The following ZNF8 variants were observed in gnomAD, a reference collection of about 807,000 sequenced individuals.
ZNF8 encodes the protein zinc finger protein 8.
A neutral mutation model predicts 12.2 loss-of-function variants in ZNF8; 9 were observed. That is an observed-to-expected ratio of 0.73 (90% confidence interval 0.44 to 1.28). ZNF8 has a LOEUF of 1.28. Among genes scored for constraint, ZNF8 ranks in the 50% most tolerant of loss-of-function variants. The probability of loss-of-function intolerance (pLI) is 0.00; values close to 1 mark genes in which losing one functional copy is unlikely to be tolerated. For synonymous variants in ZNF8, 274 were observed against 282.3 expected, an observed-to-expected ratio of 0.97 and a Z score of 0.30; for missense variants, 664 against 729.1, an observed-to-expected ratio of 0.91 and a Z score of 1.03.
rs1359257207 is a variant in ZNF8 at position 58,295,418 on chromosome 19, C to T, written c.1610C>T (p.Ala537Val). Residue 537 changes from alanine (A) to valine (V), a missense_variant, in exon 4 of 4, where the codon GCC (alanine) becomes GTC (valine). Around this residue, in one of 3 missense-constraint regions of ZNF8, gnomAD observed 225 missense variants for 222.0 expected, o/e 1.01. Coordinates refer to ENST00000621650, the MANE Select transcript of ZNF8 (RefSeq NM_021089.3). ...AAGGCAGGGCAGCCGGAAAGCAGAG[C>T]CCTGGCTTTGTTTGACATCCAAAAA... ...GAKAGQPESR[A>V]LALFDIQKIM... 2.5e-6 allele frequency: 4 copies of T among 1,613,984 alleles called. No individual in the cohort carries two copies. The highest frequency in any genetic ancestry group is 3.4e-6 in the Non-Finnish European group (4 of 1,180,030).
Position 58,295,041 on chromosome 19 carries a change from C to T in ZNF8, c.1233C>T (p.Ser411=). The T allele has an allele frequency of 6.2e-7, 1 of 1,614,102 alleles. No homozygotes were observed. Among genetic ancestry groups the T allele is most frequent in the Non-Finnish European group, 8.5e-7 (1 of 1,179,982 alleles). ...GGAAGGGCTTCAGGCACAGCTCATC[C>T]CTGGCCCAGCACCAGCGGAAGCACG... is the stretch of plus-strand genomic sequence containing the variant. ...HCGKGFRHSS[S]LAQHQRKHAG... Residue 411 remains serine, a synonymous_variant, in exon 4 of 4, where the codon TCC becomes TCT. Coordinates refer to ENST00000621650, the MANE Select transcript of ZNF8 (RefSeq NM_021089.3).
Position 58,285,908 on chromosome 19 carries a change from G to A in ZNF8, c.193+65G>A, listed in dbSNP as rs923066742. ...TGGGTTATAAGTCATGGGGCCTCTG[G>A]TGTGAGGACCTGACCTTGGGTCCTC... On this transcript the variant is annotated intron_variant, in intron 2 of 3. Coordinates refer to ENST00000621650, the MANE Select transcript of ZNF8 (RefSeq NM_021089.3). 8 of 1,550,912 alleles carry A rather than the reference G, an allele frequency of 5.2e-6. No homozygotes were observed. In the Admixed American group the frequency reaches 7.6e-5, roughly 15 times the overall value.
At position 58,294,523 on chromosome 19, in the gene ZNF8, A is replaced by G. The variant is rs137913104; in HGVS notation, c.715A>G (p.Ser239Gly). The G allele has an allele frequency of 8.7e-6, 14 of 1,614,122 alleles. No individual in the cohort carries two copies. Among genetic ancestry groups the G allele is most frequent in the Non-Finnish European group, 1.1e-5 (13 of 1,180,048 alleles). ...GENSDCHRDS[S>G]QAIPITELTK... Reference sequence around the variant, plus strand: ...AAACAGTGACTGTCACAGAGATTCCAGTCAGGCCATTCCAATTACGGAACT... The same window carrying G: ...AAACAGTGACTGTCACAGAGATTCCGGTCAGGCCATTCCAATTACGGAACT... Residue 239 changes from serine to glycine, a missense_variant, in exon 4 of 4, where the codon AGT (serine) becomes GGT (glycine). This residue lies in a region of ZNF8 where 306 missense variants were observed against 308.7 expected (regional missense o/e 0.99). Coordinates refer to ENST00000621650, the MANE Select transcript of ZNF8 (RefSeq NM_021089.3). This position sits in a 1 kb window ranked among gnomAD's most constrained non-coding sequence, Gnocchi z 5.5.
At chr19:58,281,694 A>T (rs546479530) in intron 1 of ZNF8, among the ~76,000 whole-genome samples, 1 of 152,338 alleles carries the variant, frequency 6.6e-6, no homozygotes, top group Admixed American at 6.5e-5. Context: ...CAGAGACCTC[A>T]GTTCCCAACC....
chr19:58,291,252 A>G (rs1408620621), intron 3 of ZNF8, among the ~76,000 whole-genome samples: 1 of 151,442 alleles, frequency 6.6e-6, no homozygotes, highest in East Asian at 1.9e-4. Flanking sequence ...CTCTTCTCCC[A>G]TTTCCTCTCT....
At chr19:58,286,081 T>G (rs1390843272) in intron 2 of ZNF8, 29 bp from the exon 3 acceptor site, 1 of 1,607,630 alleles carries the variant, frequency 6.2e-7, no homozygotes, top group South Asian at 1.1e-5. Context: ...GAGCAGCCCC[T>G]CACCTCCTGT....
chr19:58,279,584 C>A, intron 1 of ZNF8: 6 of 1,532,620 alleles, frequency 3.9e-6, no homozygotes, highest in Non-Finnish European at 5.2e-6. Flanking sequence ...TCAGCGGACA[C>A]CCACCGGGAC....
chr19:58,290,066 G>A (rs2051408088), intron 3 of ZNF8, among the ~76,000 whole-genome samples: 1 of 147,416 alleles, frequency 6.8e-6, no homozygotes, highest in East Asian at 2.0e-4. Flanking sequence ...AAAGTGCTGG[G>A]ATTAAAGGCG....
intron 3 of ZNF8, chr19:58,286,581 G>A (rs914395952): frequency 5.0e-5 from 9 of 179,342 alleles, no homozygotes; most frequent in South Asian, 2.5e-4. Context: ...GACACTCTCT[G>A]CCTAGCACAG....
intron 3 of ZNF8, among the ~76,000 whole-genome samples, chr19:58,292,115 C>T (rs1340175439): frequency 1.3e-5 from 2 of 152,032 alleles, no homozygotes; most frequent in African/African-American, 4.8e-5. Flanking sequence ...ATTGACATAC[C>T]ATAAGTTCAC....
chr19:58,287,865 C>T (rs1432977215), intron 3 of ZNF8, among the ~76,000 whole-genome samples: 9 of 115,626 alleles, frequency 7.8e-5, no homozygotes, highest in Non-Finnish European at 1.0e-4. Context: ...TTCTTTCTTC[C>T]TTTTTTTTTT....
chr19:58,291,041 A>T (rs962725697), intron 3 of ZNF8, among the ~76,000 whole-genome samples: 1 of 152,164 alleles, frequency 6.6e-6, no homozygotes, highest in African/African-American at 2.4e-5. Context: ...ATATAAAATA[A>T]AATAATGGTG....
At chr19:58,292,509 T>C (rs545442929) in intron 3 of ZNF8, among the ~76,000 whole-genome samples, 1 of 152,268 alleles carries the variant, frequency 6.6e-6, no homozygotes, top group South Asian at 2.1e-4. Flanking sequence ...CATCTCCAAA[T>C]ACCCTCACAA....
chr19:58,295,774 TA>T lies in ZNF8; in HGVS notation c.*240del, dbSNP rs2051450988. ...CATTACACCACAGTGAGTTCACAGGTAATATAACCTACCCACCTGTGTAATG... is the reference window on the plus strand; with the variant it reads ...CATTACACCACAGTGAGTTCACAGGTATATAACCTACCCACCTGTGTAATG... On this transcript the variant is annotated 3_prime_UTR_variant, in exon 4 of 4. Transcript: ENST00000621650. The T allele has an allele frequency of 2.0e-6, 1 of 494,922 alleles. No individual in the cohort carries two copies. The highest frequency in any genetic ancestry group is 3.6e-6 in the Non-Finnish European group (1 of 281,492). 30.7% of individuals were successfully genotyped at this position (494,922 alleles called of 1,614,324 possible).
rs35762006 is a variant in ZNF8, at chr19:58,287,865, C to CTTT, written c.289+1674_289+1676dup. On this transcript the variant is annotated intron_variant, in intron 3 of 3. Coordinates refer to ENST00000621650, the MANE Select transcript of ZNF8 (RefSeq NM_021089.3). ...TTTCTTTTTTTTTCTTTCTTTCTTC[C>CTTT]TTTTTTTTTTTTTTTTAGAGATGGG... 7.2e-3 allele frequency among the ~76,000 whole-genome samples: 833 copies of CTTT among 115,656 alleles called. 29 individuals are homozygous for CTTT. Among genetic ancestry groups the CTTT allele is most frequent in the Admixed American group, 7.3e-3 (70 of 9,528 alleles). 75.9% of individuals were successfully genotyped at this position (115,656 alleles called of 152,430 possible).
intron 3 of ZNF8, among the ~76,000 whole-genome samples, chr19:58,290,277 ATTTT>A (rs1005450980): frequency 7.3e-6 from 1 of 136,620 alleles, no homozygotes; most frequent in South Asian, 2.4e-4. Context: ...CACCCGGCTA[ATTTT>A]TTTTTTGTAT....
At chr19:58,282,789 G>A (rs112571622) in intron 1 of ZNF8, among the ~76,000 whole-genome samples, 2,816 of 150,948 alleles carry the variant, frequency 0.019, 85 homozygotes, top group African/African-American at 0.063. Flanking sequence ...TGCCACGCCC[G>A]GCTAATTTTT....
In ZNF8 at chr19:58,302,459, A is replaced by G. The variant is rs923813796; in HGVS notation, c.*6923A>G. 2 of 152,234 alleles carry G rather than the reference A, an allele frequency of 1.3e-5. No individual in the cohort carries two copies. Among genetic ancestry groups the G allele is most frequent in the Admixed American group, 1.3e-4 (2 of 15,290 alleles). 9.4% of individuals were successfully genotyped at this position (152,234 alleles called of 1,614,324 possible). On this transcript the variant is annotated 3_prime_UTR_variant, in exon 4 of 4. Coordinates refer to ENST00000621650, the MANE Select transcript of ZNF8 (RefSeq NM_021089.3). The stretch of plus-strand genomic sequence containing the variant: ...ATTTTACATACACACAGAGGAATAT[A>G]TATGTGTATAGTTATCTTGTGTTTA...
rs188498250 is a variant in ZNF8 at position 58,301,714 on chromosome 19, G to C, written c.*6178G>C. On this transcript the variant is annotated 3_prime_UTR_variant, in exon 4 of 4. Coordinates refer to ENST00000621650, the MANE Select transcript of ZNF8 (RefSeq NM_021089.3). ...GGCTGAGGTTATAGCAGCCCCACAG[G>C]GTGGTAAGCTGGGATGAAGCAATCA... is the stretch of plus-strand genomic sequence containing the variant. 35 of 152,362 alleles carry C rather than the reference G, an allele frequency of 2.3e-4. No individual in the cohort carries two copies. The highest frequency in any genetic ancestry group is 8.4e-4 in the African/African-American group (35 of 41,570). The allele number at this position is 152,362 out of a possible 1,614,324, so 9.4% of individuals were successfully genotyped here.
Sources: allele counts gnomAD v4.1 joint callset (sites outside exome capture counted in the v4.1 genomes callset), GRCh38; gene constraint gnomAD v4.1.1; regional missense constraint gnomAD v4.1.1; non-coding constraint Gnocchi (gnomAD v3.1); transcripts MANE v1.5; gene names NCBI Gene and HGNC (gene_info 2026-07-23, HGNC 2026-07-21).